Variants in SPRTN observed in about 807,000 individuals in gnomAD.
SPRTN encodes the protein SprT-like N-terminal domain, also known as DNA-dependent metalloprotease SPRTN.
Under a neutral mutation model 31.9 loss-of-function variants are expected in SPRTN, and 11 were observed. That is an observed-to-expected ratio of 0.34 (90% CI 0.22 to 0.57). The LOEUF (loss-of-function observed/expected upper bound fraction) is 0.57. Ranked by LOEUF, SPRTN falls within the 20% of genes least tolerant of loss-of-function variation. The probability of loss-of-function intolerance (pLI) is 0.86; values close to 1 mark genes in which losing one functional copy is unlikely to be tolerated. For synonymous variants in SPRTN, 185 were observed against 212.1 expected (o/e 0.87, Z 1.11); for missense variants, 482 against 590.1 (o/e 0.82, Z 1.90).
intron 4 of SPRTN, chr1:231,352,369 C>T: frequency 1.7e-6 from 2 of 1,182,662 alleles, no homozygotes; most frequent in Non-Finnish European, 2.1e-6. Flanking sequence ...TGGTCTTTGG[C>T]ATGATAAGAT....
Position 231,354,185 on chromosome 1 carries a change from G to A in SPRTN, c.*824G>A, listed in dbSNP as rs1035312430. ...AACAGTGGAAAGTTATCTGGAAATA[G>A]TATTTTGAACTTTAAGCCAAGTTTA... On this transcript the variant is annotated 3_prime_UTR_variant, in exon 5 of 5. Transcript: ENST00000295050. 1.0e-6 allele frequency: 1 copy of A among 983,912 alleles called. No individual in the cohort carries two copies. The highest frequency in any genetic ancestry group is 1.2e-6 in the Non-Finnish European group (1 of 828,682). 60.9% of individuals were successfully genotyped at this position (983,912 alleles called of 1,614,324 possible).
At chr1:231,351,632 C>T (rs1371422469) in intron 4 of SPRTN, 61 bp downstream of exon 4, 17 of 1,577,744 alleles carry the variant, frequency 1.1e-5, no homozygotes, top group Non-Finnish European at 1.5e-5. Flanking sequence ...AAAGACAATA[C>T]TGTCCTTCAG....
chr1:231,339,973 T>C, intron 2 of SPRTN, 105 bp downstream of exon 2: 1 of 1,036,966 alleles, frequency 9.6e-7, no homozygotes, highest in East Asian at 2.4e-5. Context: ...AAAAAGTCAC[T>C]TTGCCCTCAG....
chr1:231,349,367 A>G (rs1319460757), intron 3 of SPRTN, among the ~76,000 whole-genome samples: 1 of 152,226 alleles, frequency 6.6e-6, no homozygotes, highest in Non-Finnish European at 1.5e-5. Context: ...ACATTAGGAA[A>G]GTGTCTTGCA....
chr1:231,349,612 T>C (rs1379204038), intron 3 of SPRTN, among the ~76,000 whole-genome samples: 5 of 152,196 alleles, frequency 3.3e-5, no homozygotes, highest in Admixed American at 1.3e-4. Context: ...CATCCTGTTA[T>C]AAGGAACTCT....
chr1:231,354,228 G>C lies in SPRTN; in HGVS notation c.*867G>C. 1.0e-6 allele frequency: 1 copy of C among 976,840 alleles called. No individual in the cohort carries two copies. Among genetic ancestry groups the C allele is most frequent in the Non-Finnish European group, 1.2e-6 (1 of 822,278 alleles). The allele number at this position is 976,840 out of a possible 1,614,324, so 60.5% of individuals were successfully genotyped here. On this transcript the variant is annotated 3_prime_UTR_variant, in exon 5 of 5. Coordinates refer to ENST00000295050, the MANE Select transcript of SPRTN (RefSeq NM_032018.7). ...CAAGTTTAAAACATTATAATAAAAG[G>C]AATACCATTTGTGCATTTTAAGTAA...
chr1:231,354,894 T>G lies in SPRTN; in HGVS notation c.*1533T>G. 2.6e-4 allele frequency: 129 copies of G among 503,196 alleles called. No individual in the cohort carries two copies. The highest frequency in any genetic ancestry group is 3.1e-4 in the Non-Finnish European group (120 of 389,774). 31.2% of individuals were successfully genotyped at this position (503,196 alleles called of 1,614,324 possible). ...AGTTTACACTCCTACCAGCAATGTA[T>G]GAGAGTTTTAGTTGTTCACCATTCA... On this transcript the variant is annotated 3_prime_UTR_variant, in exon 5 of 5. Transcript: ENST00000295050.
At position 231,347,562 on chromosome 1, in the gene SPRTN, C is replaced by T. The variant is rs149934137; in HGVS notation, c.322-235C>T. ...ATTTTTTTGTAGAGACAGGGTTTCG[C>T]CATGTTGCCCAGGTTGGTCTCCAAC... On this transcript the variant is annotated intron_variant, in intron 2 of 4. Coordinates refer to ENST00000295050, the MANE Select transcript of SPRTN (RefSeq NM_032018.7). 2,029 of 407,254 alleles carry T rather than the reference C, an allele frequency of 5.0e-3. 18 individuals carry two copies. The highest frequency in any genetic ancestry group is 0.026 in the Admixed American group (615 of 24,042). 25.2% of individuals were successfully genotyped at this position (407,254 alleles called of 1,614,324 possible).
intron 2 of SPRTN, among the ~76,000 whole-genome samples, chr1:231,345,318 G>C (rs1319904161): frequency 6.6e-6 from 1 of 151,994 alleles, no homozygotes; most frequent in Non-Finnish European, 1.5e-5. Context: ...AGTAGAGACG[G>C]GGTTTTACCA....
intron 2 of SPRTN, among the ~76,000 whole-genome samples, chr1:231,343,312 A>G (rs1686957627): frequency 6.6e-6 from 1 of 152,038 alleles, no homozygotes; most frequent in African/African-American, 2.4e-5. Flanking sequence ...TATACTCTAT[A>G]GCCTAGGTGT....
At position 231,354,403 on chromosome 1, in the gene SPRTN, T is replaced by G. The variant is rs1039369743; in HGVS notation, c.*1042T>G. 4 of 984,874 alleles carry G rather than the reference T, an allele frequency of 4.1e-6. No individual in the cohort carries two copies. The Admixed American group carries it at 2.5e-4, about 61-fold the overall frequency. The allele number at this position is 984,874 out of a possible 1,614,324, so 61.0% of individuals were successfully genotyped here. A position where few individuals can be genotyped will look rare whatever the true frequency, so the allele number is the denominator to read the frequency against. Reference sequence around the variant, plus strand: ...TCTTTTTTCTTGTTGCAATTTTCCTTCACTTTGTTGTAATACAGGTGCACA... The same window carrying G: ...TCTTTTTTCTTGTTGCAATTTTCCTGCACTTTGTTGTAATACAGGTGCACA... On this transcript the variant is annotated 3_prime_UTR_variant, in exon 5 of 5. Transcript: ENST00000295050.
In SPRTN at chr1:231,347,851, G is replaced by T; in HGVS notation, c.376G>T (p.Asp126Tyr). ...AYLFVTNNDK[D>Y]REGHGPEFCK... is the part of the protein sequence containing the mutation. Reference sequence around the variant, plus strand: ...TTTATTTGTCACTAATAACGACAAAGACCGAGAAGGGCATGGTCCAGAATT... The same window carrying T: ...TTTATTTGTCACTAATAACGACAAATACCGAGAAGGGCATGGTCCAGAATT... The change falls in exon 3 of 5, where the codon GAC becomes TAC. Residue 126 changes from aspartate (D) to tyrosine (Y), a missense_variant. By Grantham distance (160) the Asp-to-Tyr change is radical. Transcript: ENST00000295050. 1 of 1,613,968 alleles carries T rather than the reference G, an allele frequency of 6.2e-7. No homozygotes were observed. The highest frequency in any genetic ancestry group is 1.3e-5 in the African/African-American group (1 of 75,030).
intron 2 of SPRTN, among the ~76,000 whole-genome samples, chr1:231,342,965 C>A (rs1405997848): frequency 4.0e-5 from 6 of 151,596 alleles, no homozygotes; most frequent in Non-Finnish European, 5.9e-5. Flanking sequence ...TCTCAATCTC[C>A]TGACCTCGTG....
chr1:231,349,548 GT>G (rs1274254778), intron 3 of SPRTN, among the ~76,000 whole-genome samples: 1 of 152,170 alleles, frequency 6.6e-6, no homozygotes, highest in Non-Finnish European at 1.5e-5. Context: ...ATATCTGTGT[GT>G]TTTTATTTAG....
At chr1:231,338,794 A>C (rs1241445985) in intron 1 of SPRTN, among the ~76,000 whole-genome samples, 190 bp downstream of exon 1, 1 of 152,188 alleles carries the variant, frequency 6.6e-6, no homozygotes, top group Non-Finnish European at 1.5e-5. Flanking sequence ...CCACTCGAAC[A>C]ATAAGAAAGC....
intron 2 of SPRTN, among the ~76,000 whole-genome samples, chr1:231,343,414 A>G (rs1571992978): frequency 6.6e-6 from 1 of 152,218 alleles, no homozygotes; most frequent in East Asian, 1.9e-4. Flanking sequence ...AAATTGCCTA[A>G]CAATGGATTT....
chr1:231,340,894 G>C (rs1183960986), intron 2 of SPRTN, among the ~76,000 whole-genome samples: 1 of 152,006 alleles, frequency 6.6e-6, no homozygotes, highest in Non-Finnish European at 1.5e-5. Flanking sequence ...GGAGATGAGA[G>C]ATGCTGTTTT....
intron 4 of SPRTN, chr1:231,352,090 T>C: frequency 1.0e-6 from 1 of 989,548 alleles, no homozygotes. Flanking sequence ...TTGCCAGTAC[T>C]TCATCTTCAA....
chr1:231,346,042 T>C (rs1687048791), intron 2 of SPRTN, among the ~76,000 whole-genome samples: 1 of 152,068 alleles, frequency 6.6e-6, no homozygotes, highest in Non-Finnish European at 1.5e-5. Context: ...TTTGAACTCC[T>C]GGCCTCGAGC....
Sources: gnomAD v4.1 joint callset for allele counts (sites outside exome capture counted in the v4.1 genomes callset) on GRCh38, gnomAD v4.1.1 for gene constraint, MANE v1.5 for transcripts, NCBI Gene and HGNC (gene_info 2026-07-23, HGNC 2026-07-21) for gene names.